MAVS: variants seen among roughly 807,000 people sequenced by gnomAD.
MAVS encodes mitochondrial antiviral signaling protein.
A neutral mutation model predicts 30.2 loss-of-function variants in MAVS; 20 were observed. The ratio of observed to expected loss-of-function variants is 0.66; its 90% confidence interval spans 0.47 to 0.96. The LOEUF (loss-of-function observed/expected upper bound fraction) is 0.96. Among genes scored for constraint, MAVS ranks in the 40% least tolerant of loss-of-function variants. The probability of loss-of-function intolerance (pLI) is 0.00; values close to 1 mark genes in which losing one functional copy is unlikely to be tolerated. For missense variants in MAVS, 624 were observed against 701.1 expected (o/e 0.89, Z 1.24); for synonymous variants, 278 against 293.9 (o/e 0.95, Z 0.55).
In MAVS at chr20:3,849,283, C is replaced by T. The variant is rs149046327; in HGVS notation, c.-68+2380C>T. On this transcript the variant is annotated intron_variant, in intron 1 of 6. Transcript: ENST00000428216. Reference sequence around the variant, plus strand: ...GGAGTGCAATGGGATGATTTCAGCTCACTGCAACCTCTGCCTCCTGGGTTC... The same window carrying T: ...GGAGTGCAATGGGATGATTTCAGCTTACTGCAACCTCTGCCTCCTGGGTTC... Among the ~76,000 whole-genome samples, 654 of 151,130 alleles carry T rather than the reference C, an allele frequency of 4.3e-3. 11 individuals are homozygous for T. The highest frequency in any genetic ancestry group is 0.035 in the East Asian group (181 of 5,136).
intron 1 of MAVS, among the ~76,000 whole-genome samples, chr20:3,851,546 G>A (rs1275459383): frequency 2.0e-5 from 3 of 149,588 alleles, no homozygotes; most frequent in Non-Finnish European, 4.4e-5. Context: ...CTGAATTACC[G>A]TACTGTCAAA....
chr20:3,866,928 TC>T lies in MAVS; in HGVS notation c.*783del, dbSNP rs1333592252. On this transcript the variant is annotated 3_prime_UTR_variant, in exon 7 of 7. Transcript: ENST00000428216. ...AGGTTTGGATTTCAGCTCCCTCACT[TC>T]CGGGGCTGTGTGGCTTTGGCAGATG... The T allele has an allele frequency of 6.6e-6, 3 of 456,862 alleles. No homozygotes were observed. Among genetic ancestry groups the T allele is most frequent in the Non-Finnish European group, 1.3e-5 (3 of 226,992 alleles). The allele number at this position is 456,862 out of a possible 1,614,324, so 28.3% of individuals were successfully genotyped here. A position where few individuals can be genotyped will look rare whatever the true frequency, so the allele number is the denominator to read the frequency against.
At chr20:3,851,484 C>A (rs935320802) in intron 1 of MAVS, among the ~76,000 whole-genome samples, 2 of 125,352 alleles carry the variant, frequency 1.6e-5, no homozygotes, top group East Asian at 4.6e-4. Flanking sequence ...CCAGCCTGGG[C>A]GACAGGGAGA....
intron 3 of MAVS, among the ~76,000 whole-genome samples, chr20:3,860,232 A>G (rs1046670483): frequency 9.8e-5 from 14 of 142,296 alleles, no homozygotes; most frequent in African/African-American, 3.1e-4. Context: ...AGAACCCCCA[A>G]TTCCTTTTTT....
In MAVS at chr20:3,865,733, C is replaced by G. The variant is rs748850660; in HGVS notation, c.1209C>G (p.Ala403=). Residue 403 remains alanine, a synonymous_variant, in exon 7 of 7, where the codon GCC becomes GCG. Coordinates refer to ENST00000428216, the MANE Select transcript of MAVS (RefSeq NM_020746.5). This position sits in a 1 kb window ranked among gnomAD's most constrained non-coding sequence, Gnocchi z 4.7. The part of the protein sequence containing the change: ...TPAGATGGSS[A]WLDSSSENRG... ...CCGGCGCCACTGGAGGCAGCTCAGC[C>G]TGGCTAGACAGCAGCTCTGAGAATA... 4.3e-6 allele frequency: 7 copies of G among 1,613,030 alleles called. No homozygotes were observed. Among genetic ancestry groups the G allele is most frequent in the East Asian group, 4.5e-5 (2 of 44,852 alleles).
In MAVS at chr20:3,868,477, T is replaced by G. The variant is rs2146781372; in HGVS notation, c.*2330T>G. ...GGGTGAAACCCCGTCTCTACAAAAA[T>G]AAGAAAATTAGCCAGGTGTAGTGGC... On this transcript the variant is annotated 3_prime_UTR_variant, in exon 7 of 7. Transcript: ENST00000428216. The G allele has an allele frequency of 6.6e-6, 1 of 151,924 alleles. No homozygotes were observed. Among genetic ancestry groups the G allele is most frequent in the South Asian group, 2.1e-4 (1 of 4,814 alleles). The allele number at this position is 151,924 out of a possible 1,614,324, so 9.4% of individuals were successfully genotyped here. A position where few individuals can be genotyped will look rare whatever the true frequency, so the allele number is the denominator to read the frequency against.
rs141567699 is a variant in MAVS at position 3,862,276 on chromosome 20, C to T, written c.488C>T (p.Thr163Met). ...CAGAATTCAGAGCAAGCCCTGCAGA[C>T]GCTCAGCCCCAGAGCCATCCCAAGG... ...PGENSEQALQ[T>M]LSPRAIPRNP... is the part of the protein sequence containing the mutation. The change falls in exon 5 of 7, where the codon ACG becomes ATG. Residue 163 changes from threonine to methionine, a missense_variant. Coordinates refer to ENST00000428216, the MANE Select transcript of MAVS (RefSeq NM_020746.5). The T allele has an allele frequency of 1.4e-4, 227 of 1,613,694 alleles. 1 individual carries two copies. Among genetic ancestry groups the T allele is most frequent in the South Asian group, 3.3e-4 (30 of 91,050 alleles).
rs559299453 is a variant in MAVS at position 3,857,541 on chromosome 20, C to T, written c.118-94C>T. ...GTGGCTGCCTTGCCCTTGTGGCTTT[C>T]TTGGCACCCCTCCCCCCGCTGTGGC... On this transcript the variant is annotated intron_variant, in intron 2 of 6. Transcript: ENST00000428216. 1,761 of 1,446,250 alleles carry T rather than the reference C, an allele frequency of 1.2e-3. 16 individuals are homozygous for T. The African/African-American group carries it at 0.027, about 22-fold the overall frequency. The allele number at this position is 1,446,250 out of a possible 1,614,324, so 89.6% of individuals were successfully genotyped here. A position where few individuals can be genotyped will look rare whatever the true frequency, so the allele number is the denominator to read the frequency against.
At chr20:3,857,551 CT>C in intron 2 of MAVS, 83 bp from the exon 3 acceptor site, 5 of 1,464,644 alleles carry the variant, frequency 3.4e-6, no homozygotes, top group Non-Finnish European at 3.6e-6. Context: ...CTTGGCACCC[CT>C]CCCCCCGCTG....
chr20:3,862,225 T>A (rs776168161), intron 4 of MAVS, 29 bp from the exon 5 acceptor site: 1 of 1,606,594 alleles, frequency 6.2e-7, no homozygotes, highest in Non-Finnish European at 8.5e-7. Flanking sequence ...GAGAGGCAAC[T>A]GCCTTATTCA....
chr20:3,864,848 C>A, intron 6 of MAVS, 60 bp downstream of exon 6: 3 of 1,571,502 alleles, frequency 1.9e-6, no homozygotes, highest in Non-Finnish European at 2.6e-6. Flanking sequence ...AGCTTGCCCA[C>A]CTGGCCCTGG....
chr20:3,874,110 T>C lies in MAVS; in HGVS notation c.*7963T>C, dbSNP rs2089974234. 2.5e-6 allele frequency: 1 copy of C among 398,518 alleles called. No individual in the cohort carries two copies. Among genetic ancestry groups the C allele is most frequent in the African/African-American group, 2.1e-5 (1 of 48,630 alleles). 24.7% of individuals were successfully genotyped at this position (398,518 alleles called of 1,614,324 possible). On this transcript the variant is annotated 3_prime_UTR_variant, in exon 7 of 7. Transcript: ENST00000428216. ...ACGAATATGAATGAAAATATCGCTA[T>C]GCACAGCAACATGGATAAATTTCAC...
Position 3,871,864 on chromosome 20 carries a change from G to GC in MAVS, c.*5718dup. On this transcript the variant is annotated 3_prime_UTR_variant, in exon 7 of 7. Coordinates refer to ENST00000428216, the MANE Select transcript of MAVS (RefSeq NM_020746.5). Reference sequence around the variant, plus strand: ...AGCATTCCTCACTCTGTTGCTAACAGCAACAGCAATAATAATAAGGGTTAC... The same window carrying GC: ...AGCATTCCTCACTCTGTTGCTAACAGCCAACAGCAATAATAATAAGGGTTAC... The GC allele has an allele frequency of 1.3e-5, 2 of 152,370 alleles. No individual in the cohort carries two copies. The highest frequency in any genetic ancestry group is 4.1e-4 in the South Asian group (2 of 4,822). 9.4% of individuals were successfully genotyped at this position (152,370 alleles called of 1,614,324 possible). A position where few individuals can be genotyped will look rare whatever the true frequency, so the allele number is the denominator to read the frequency against.
Position 3,865,633 on chromosome 20 carries a change from C to T in MAVS, c.1159-50C>T, listed in dbSNP as rs371319638. 260 of 1,501,140 alleles carry T rather than the reference C, an allele frequency of 1.7e-4. No homozygotes were observed. The highest frequency in any genetic ancestry group is 2.4e-4 in the Middle Eastern group (1 of 4,108). 93.0% of individuals were successfully genotyped at this position (1,501,140 alleles called of 1,614,324 possible). ...GGGAATGGGACCGCCCTACCAGGTT[C>T]GTCTCCCTGCCAACCCCAGTCCCTT... On this transcript the variant is annotated intron_variant, in intron 6 of 6. Transcript: ENST00000428216. This position sits in a 1 kb window ranked among gnomAD's most constrained non-coding sequence, Gnocchi z 4.7.
chr20:3,853,535 T>A (rs1031195733), intron 1 of MAVS, among the ~76,000 whole-genome samples: 3 of 151,420 alleles, frequency 2.0e-5, no homozygotes, highest in Admixed American at 6.6e-5. Flanking sequence ...GGCTGGTGCT[T>A]GTCATCCGAG....
In MAVS at chr20:3,865,340, A is replaced by G. The variant is rs1421939558; in HGVS notation, c.1159-343A>G. Among the ~76,000 whole-genome samples the G allele has an allele frequency of 6.6e-6, 1 of 152,156 alleles. No homozygotes were observed. The highest frequency in any genetic ancestry group is 2.4e-5 in the African/African-American group (1 of 41,446). Reference sequence around the variant, plus strand: ...CAAGTCCATAGGGCCCTTTGGGCACATGGCCAGGCCTCTGACCCTGTGGCT... The same window carrying G: ...CAAGTCCATAGGGCCCTTTGGGCACGTGGCCAGGCCTCTGACCCTGTGGCT... On this transcript the variant is annotated intron_variant, in intron 6 of 6. Coordinates refer to ENST00000428216, the MANE Select transcript of MAVS (RefSeq NM_020746.5). The surrounding 1 kb of genome is among the most constrained non-coding windows in gnomAD (Gnocchi z 4.7).
intron 1 of MAVS, among the ~76,000 whole-genome samples, chr20:3,853,265 T>C (rs569660250): frequency 1.3e-5 from 2 of 150,346 alleles, no homozygotes; most frequent in South Asian, 2.1e-4. Context: ...GGCGGGCGCA[T>C]CACGAGGTCA....
intron 2 of MAVS, 75 bp downstream of exon 2, chr20:3,854,816 G>C: frequency 9.9e-7 from 1 of 1,013,822 alleles, no homozygotes; most frequent in Middle Eastern, 2.2e-4. Flanking sequence ...CCCCATCCTA[G>C]TTCCTCACCC....
intron 1 of MAVS, among the ~76,000 whole-genome samples, chr20:3,850,225 C>T (rs1270802006): frequency 1.5e-5 from 2 of 134,014 alleles, no homozygotes; most frequent in Admixed American, 1.7e-4. Context: ...TGCAGTGAGC[C>T]GAGATTGCAC....
Sources: allele counts gnomAD v4.1 joint callset (sites outside exome capture counted in the v4.1 genomes callset), GRCh38; gene constraint gnomAD v4.1.1; non-coding constraint Gnocchi (gnomAD v3.1); transcripts MANE v1.5; gene names NCBI Gene and HGNC (gene_info 2026-07-23, HGNC 2026-07-21).